Variants in FAM83C observed in about 807,000 individuals in gnomAD.
The protein encoded by FAM83C is protein FAM83C.
FAM83C carries 23 observed loss-of-function variants against 27.1 expected under a neutral mutation model. The observed-to-expected ratio is 0.85, with a 90% CI of 0.61 to 1.20. The LOEUF is 1.20. FAM83C is among the 50% of genes most tolerant of loss of function. The pLI, the probability that FAM83C is intolerant of heterozygous loss-of-function variation, is 0.00. For missense variants in FAM83C, 984 were observed against 1,001.3 expected, an observed-to-expected ratio of 0.98 and a Z score of 0.23; for synonymous variants, 426 against 423.1, an observed-to-expected ratio of 1.01 and a Z score of -0.09.
intron 1 of FAM83C, among the ~76,000 whole-genome samples, chr20:35,291,226 A>T (rs772026367): frequency 4.6e-5 from 7 of 152,126 alleles, no homozygotes; most frequent in Non-Finnish European, 1.0e-4. Context: ...GCAGGAGGGT[A>T]GGGGGCAACT....
rs1356296614 is a variant in FAM83C at position 35,288,485 on chromosome 20, TCA to T, written c.780_781del (p.Cys260Ter). The T allele has an allele frequency of 6.2e-7, 1 of 1,614,048 alleles. No individual in the cohort carries two copies. Among genetic ancestry groups the T allele is most frequent in the South Asian group, 1.1e-5 (1 of 91,080 alleles). ...CCTGTAACTGCCCGCCACCACTTGC[TCA>T]CAGTCAATGAGGACGAACTTCTCCA... On this transcript the variant is annotated stop_gained and frameshift_variant, in exon 3 of 4. Coordinates refer to ENST00000374408, the MANE Select transcript of FAM83C (RefSeq NM_178468.6). LOFTEE classifies it low-confidence loss of function (END_TRUNC).
At position 35,286,699 on chromosome 20, in the gene FAM83C, G is replaced by A. The variant is rs374878374; in HGVS notation, c.2080C>T (p.Gln694Ter). Residue 694 changes from glutamine to a stop codon, truncating the protein, a stop_gained, in exon 4 of 4, where the codon CAG (glutamine) becomes TAG (stop). Transcript: ENST00000374408. LOFTEE classifies it high-confidence loss of function. ...TTGGGACCCCCAGGCTCAGTTCCCT[G>A]CCTGGCCCCGTGCAACTGATGATAC... ...TKYHQLHGAR[Q>*]GTEPGGPKGG... 21 of 1,614,014 alleles carry A rather than the reference G, an allele frequency of 1.3e-5. No homozygotes were observed. Among genetic ancestry groups the A allele is most frequent in the Non-Finnish European group, 8.5e-7 (1 of 1,180,028 alleles).
At chr20:35,288,226 C>G (rs571041136) in intron 3 of FAM83C, among the ~76,000 whole-genome samples, 42 of 152,308 alleles carry the variant, frequency 2.8e-4, no homozygotes, top group African/African-American at 1.0e-3. Flanking sequence ...TGAAGTCACT[C>G]CAGTTCCAAT....
At chr20:35,290,412 A>G (rs1312757622) in intron 1 of FAM83C, among the ~76,000 whole-genome samples, 2 of 152,208 alleles carry the variant, frequency 1.3e-5, no homozygotes, top group South Asian at 2.1e-4. Context: ...CCTGGACTCT[A>G]TCACTTCCTG....
rs763449060 is a variant in FAM83C at position 35,287,444 on chromosome 20, C to T, written c.1335G>A (p.Leu445=). ...GGAGGAGGGGCCGGGAGCGAGGAAG[C>T]AGAGGTGACCCCACTGCCAAGGTTA... ...SPLTLAVGSP[L]LPRSRPLLQF... is the part of the protein sequence containing the mutation. The change falls in exon 4 of 4, where the codon CTG becomes CTA. Residue 445 remains leucine, a synonymous_variant. Transcript: ENST00000374408. 1.9e-6 allele frequency: 3 copies of T among 1,614,152 alleles called. No individual in the cohort carries two copies. The highest frequency in any genetic ancestry group is 4.5e-5 in the East Asian group (2 of 44,878).
intron 1 of FAM83C, among the ~76,000 whole-genome samples, chr20:35,291,384 A>G (rs2060846387): frequency 6.6e-6 from 1 of 152,164 alleles, no homozygotes; most frequent in South Asian, 2.1e-4. Context: ...TTCTTCTTCT[A>G]TAAGTGAAGG....
intron 1 of FAM83C, among the ~76,000 whole-genome samples, chr20:35,290,256 C>G (rs1301823428): frequency 6.6e-6 from 1 of 152,240 alleles, no homozygotes; most frequent in Non-Finnish European, 1.5e-5. Context: ...CCCCTGAAAC[C>G]TTCTTGGCAC....
rs1349944814 is a variant in FAM83C, at chr20:35,292,252, G to A, written c.53C>T (p.Pro18Leu). ...CAGCTCTTCCACCCGGCCCCGCAGG[G>A]GTCCCGCCATGCCCTGGGCTCCCAG... ...GVLGAQGMAG[P>L]LRGRVEELKL... Residue 18 changes from proline to leucine, a missense_variant, in exon 1 of 4, where the codon CCC becomes CTC. Coordinates refer to ENST00000374408, the MANE Select transcript of FAM83C (RefSeq NM_178468.6). 1 of 1,556,266 alleles carries A rather than the reference G, an allele frequency of 6.4e-7. No individual in the cohort carries two copies. The highest frequency in any genetic ancestry group is 8.6e-7 in the Non-Finnish European group (1 of 1,159,796).
rs1267976399 is a variant in FAM83C at position 35,287,451 on chromosome 20, G to A, written c.1328C>T (p.Ser443Leu). The change falls in exon 4 of 4, where the codon TCA becomes TTA. Residue 443 changes from serine to leucine, a missense_variant. Ser to Leu is a moderately radical substitution (Grantham distance 145). Transcript: ENST00000374408. ...STSPLTLAVGSPLLPRSRPLL... is the reference protein window; with the variant it reads ...STSPLTLAVGLPLLPRSRPLL... ...GGGCCGGGAGCGAGGAAGCAGAGGT[G>A]ACCCCACTGCCAAGGTTAAGGGGCT... 3.1e-6 allele frequency: 5 copies of A among 1,614,188 alleles called. No homozygotes were observed. The East Asian group carries it at 1.1e-4, about 36-fold the overall frequency.
chr20:35,292,053 A>T lies in FAM83C; in HGVS notation c.252T>A (p.His84Gln). 6.2e-7 allele frequency: 1 copy of T among 1,612,046 alleles called. No homozygotes were observed. The highest frequency in any genetic ancestry group is 8.5e-7 in the Non-Finnish European group (1 of 1,179,944). ...CGCTGAGCTCAGGGCCCCCGCGCAC[A>T]TGGCTGGTCATGTAGTCCACATCCA... is the stretch of plus-strand genomic sequence containing the variant. ...SALDVDYMTS[H>Q]VRGGPELSEA... The change falls in exon 1 of 4, where the codon CAT (histidine) becomes CAA (glutamine). Residue 84 changes from histidine (H) to glutamine (Q), a missense_variant. Physicochemically the swap from His to Gln is conservative, Grantham distance 24. Transcript: ENST00000374408.
chr20:35,286,824 T>G lies in FAM83C; in HGVS notation c.1955A>C (p.Asn652Thr), dbSNP rs138855147. 6.2e-7 allele frequency: 1 copy of G among 1,613,934 alleles called. No homozygotes were observed. Among genetic ancestry groups the G allele is most frequent in the Admixed American group, 1.7e-5 (1 of 60,018 alleles). Reference sequence around the variant, plus strand: ...AGCAGGGCTTGATATCGGGAGACCATTGGGCCCAGGCCCCTCACCACGGAA... The same window carrying G: ...AGCAGGGCTTGATATCGGGAGACCAGTGGGCCCAGGCCCCTCACCACGGAA... ...GPFRGEGPGP[N>T]GLPISSPART... is the part of the protein sequence containing the mutation. Residue 652 changes from asparagine (N) to threonine (T), a missense_variant, in exon 4 of 4, where the codon AAT becomes ACT. Transcript: ENST00000374408.
rs775079306 is a variant in FAM83C at position 35,288,844 on chromosome 20, T to TCAGGTGCTC, written c.619_627dup (p.Glu207_Leu209dup). On this transcript the variant is annotated inframe_insertion, in exon 2 of 4. Coordinates refer to ENST00000374408, the MANE Select transcript of FAM83C (RefSeq NM_178468.6). ...TTGTAGCACATCTCCAGGAAGTGCC[T>TCAGGTGCTC]CAGGTGCTCCTGGGCAAGGAGCAGG... The TCAGGTGCTC allele has an allele frequency of 6.2e-7, 1 of 1,613,890 alleles. No homozygotes were observed. Among genetic ancestry groups the TCAGGTGCTC allele is most frequent in the Non-Finnish European group, 8.5e-7 (1 of 1,179,946 alleles).
rs776203278 is a variant in FAM83C at position 35,287,547 on chromosome 20, C to T, written c.1232G>A (p.Arg411Lys). 1.2e-6 allele frequency: 2 copies of T among 1,614,144 alleles called. No individual in the cohort carries two copies. Among genetic ancestry groups the T allele is most frequent in the Non-Finnish European group, 1.7e-6 (2 of 1,180,012 alleles). The change falls in exon 4 of 4, where the codon AGG becomes AAG. Residue 411 changes from arginine to lysine, a missense_variant. Physicochemically the swap from Arg to Lys is conservative, Grantham distance 26. Transcript: ENST00000374408. ...TGCCCCTAGCTTGCCGAGATTGGCC[C>T]TATAGAGCCCAGGAGGGGAGCCGTG... The part of the protein sequence containing the change: ...PNHGSPPGLY[R>K]ANLGKLGAYP...
In FAM83C at chr20:35,291,874, G is replaced by GT. The variant is rs761533960; in HGVS notation, c.430dup (p.Thr144AsnfsTer39). On this transcript the variant is annotated frameshift_variant, in exon 1 of 4. Transcript: ENST00000374408. LOFTEE classifies it high-confidence loss of function. Reference sequence around the variant, plus strand: ...CCTCTGGAAGTGGACCACAGCCTGGGTGGGGCTGAAGCCTGTGGCCTGTGG... The same window carrying GT: ...CCTCTGGAAGTGGACCACAGCCTGGGTTGGGGCTGAAGCCTGTGGCCTGTGG... 2 of 1,614,196 alleles carry GT rather than the reference G, an allele frequency of 1.2e-6. No individual in the cohort carries two copies. Among genetic ancestry groups the GT allele is most frequent in the South Asian group, 2.2e-5 (2 of 91,088 alleles).
At chr20:35,290,815 A>C (rs1450734789) in intron 1 of FAM83C, among the ~76,000 whole-genome samples, 5 of 152,142 alleles carry the variant, frequency 3.3e-5, no homozygotes, top group African/African-American at 1.2e-4. Context: ...TCCTGATGCC[A>C]ATCAGGCCTG....
chr20:35,288,833 C>T lies in FAM83C; in HGVS notation c.639G>A (p.Leu213=), dbSNP rs267605903. ...TGAGGTCCATCTTGTAGCACATCTC[C>T]AGGAAGTGCCTCAGGTGCTCCTGGG... ...LLAQEHLRHF[L]EMCYKMDLNG... is the part of the protein sequence containing the mutation. Residue 213 remains leucine, a synonymous_variant, in exon 2 of 4, where the codon CTG becomes CTA. Transcript: ENST00000374408. 6.2e-7 allele frequency: 1 copy of T among 1,613,908 alleles called. No homozygotes were observed. Among genetic ancestry groups the T allele is most frequent in the South Asian group, 1.1e-5 (1 of 91,070 alleles).
rs1315680274 is a variant in FAM83C at position 35,286,909 on chromosome 20, C to T, written c.1870G>A (p.Asp624Asn). The T allele has an allele frequency of 4.3e-6, 7 of 1,614,064 alleles. No homozygotes were observed. Among genetic ancestry groups the T allele is most frequent in the South Asian group, 1.1e-5 (1 of 91,090 alleles). ...SSARPARRAP[D>N]ERRQTLGHSQ... ...TGCCCCAGGGTCTGCCGCCGCTCAT[C>T]TGGTGCCCGTCTGGCAGGTCTGGCT... The change falls in exon 4 of 4, where the codon GAT becomes AAT. Residue 624 changes from aspartate (D) to asparagine (N), a missense_variant. Coordinates refer to ENST00000374408, the MANE Select transcript of FAM83C (RefSeq NM_178468.6).
At chr20:35,291,442 AT>A (rs1395162408) in intron 1 of FAM83C, among the ~76,000 whole-genome samples, 1 of 152,218 alleles carries the variant, frequency 6.6e-6, no homozygotes, top group African/African-American at 2.4e-5. Flanking sequence ...TGTGGGGATC[AT>A]AAAACTTTTT....
Position 35,288,805 on chromosome 20 carries a change from C to T in FAM83C, c.667G>A (p.Gly223Arg). Residue 223 changes from glycine to arginine, a missense_variant, in exon 2 of 4, where the codon GGG becomes AGG. Transcript: ENST00000374408. ...LEMCYKMDLN[G>R]EHLPNMRVRS... The stretch of plus-strand genomic sequence containing the variant: ...TCCTCACTGACCGGCAGGTGCTCCC[C>T]ATTGAGGTCCATCTTGTAGCACATC... 6.2e-7 allele frequency: 1 copy of T among 1,612,228 alleles called. No homozygotes were observed. Among genetic ancestry groups the T allele is most frequent in the East Asian group, 2.2e-5 (1 of 44,854 alleles).
Sources: allele counts gnomAD v4.1 joint callset (sites outside exome capture counted in the v4.1 genomes callset), GRCh38; gene constraint gnomAD v4.1.1; transcripts MANE v1.5; gene names NCBI Gene and HGNC (gene_info 2026-07-23, HGNC 2026-07-21).